LGR5: variants seen among roughly 807,000 people sequenced by gnomAD.
LGR5 encodes leucine-rich repeat-containing G protein-coupled receptor 5.
A neutral mutation model predicts 76.7 loss-of-function variants in LGR5; 54 were observed. That is an observed-to-expected ratio of 0.70 (90% CI 0.57 to 0.88). The LOEUF (loss-of-function observed/expected upper bound fraction) is 0.88. Ranked by LOEUF, LGR5 falls within the 40% of genes least tolerant of loss-of-function variation. The pLI is 0.00. For missense variants in LGR5, 1,078 were observed against 1,073.3 expected (o/e 1.00, Z -0.06); for synonymous variants, 406 against 421.9 (o/e 0.96, Z 0.46).
intron 5 of LGR5, 58 bp downstream of exon 5, chr12:71,553,346 G>A (rs1486103920): frequency 6.9e-7 from 1 of 1,453,840 alleles, no homozygotes; most frequent in Admixed American, 1.7e-5. Context: ...GGAAGACCTT[G>A]GCCTTAAAAT....
At chr12:71,568,912 C>A (rs1201790750) in intron 11 of LGR5, among the ~76,000 whole-genome samples, 1 of 152,194 alleles carries the variant, frequency 6.6e-6, no homozygotes, top group Non-Finnish European at 1.5e-5. Flanking sequence ...TCCCCACTTA[C>A]TAGCTGGTCA....
intron 1 of LGR5, among the ~76,000 whole-genome samples, chr12:71,479,051 T>C (rs974273174): frequency 6.6e-6 from 1 of 152,210 alleles, no homozygotes; most frequent in Non-Finnish European, 1.5e-5. Context: ...AGAATCTGTG[T>C]CCTCTCAATT....
intron 2 of LGR5, among the ~76,000 whole-genome samples, chr12:71,515,578 G>A (rs962746553): frequency 6.6e-6 from 1 of 152,076 alleles, no homozygotes; most frequent in Non-Finnish European, 1.5e-5. Context: ...AAGGAAAACA[G>A]TACCAGAAAA....
At chr12:71,579,475 C>A (rs1001437675) in intron 15 of LGR5, among the ~76,000 whole-genome samples, 10 of 151,888 alleles carry the variant, frequency 6.6e-5, no homozygotes, top group African/African-American at 2.4e-4. Flanking sequence ...TAAGAGAGAA[C>A]AAAAATCTTT....
intron 2 of LGR5, among the ~76,000 whole-genome samples, chr12:71,515,810 T>C (rs1375731777): frequency 6.6e-6 from 1 of 152,252 alleles, no homozygotes; most frequent in Non-Finnish European, 1.5e-5. Flanking sequence ...AAATGTTTTC[T>C]TTTAAATCAC....
chr12:71,546,112 A>T (rs1303672117), intron 4 of LGR5, among the ~76,000 whole-genome samples: 1 of 152,116 alleles, frequency 6.6e-6, no homozygotes, highest in East Asian at 1.9e-4. Context: ...CAGGAGTTCA[A>T]GACCAGCCTG....
intron 1 of LGR5, among the ~76,000 whole-genome samples, chr12:71,459,101 G>C (rs1872595445): frequency 6.6e-6 from 1 of 152,034 alleles, no homozygotes; most frequent in African/African-American, 2.4e-5. Context: ...AGTAAGACCA[G>C]TATGTACCTT....
chr12:71,490,141 A>C (rs116818256), intron 1 of LGR5, among the ~76,000 whole-genome samples: 13,504 of 151,874 alleles, frequency 0.089, 653 homozygotes, highest in Non-Finnish European at 0.11. Context: ...AAAAAAAAAA[A>C]AAACCCATAA....
chr12:71,579,817 G>C (rs982646096), intron 15 of LGR5, among the ~76,000 whole-genome samples: 2 of 151,950 alleles, frequency 1.3e-5, no homozygotes, highest in Non-Finnish European at 2.9e-5. Flanking sequence ...AAGCATCCAG[G>C]AACAAAAATC....
chr12:71,547,482 T>C (rs1336314396), intron 4 of LGR5, among the ~76,000 whole-genome samples: 1 of 152,236 alleles, frequency 6.6e-6, no homozygotes, highest in Non-Finnish European at 1.5e-5. Context: ...TACCACTTCC[T>C]AAATTTGAAG....
At chr12:71,517,500 G>C (rs1473994551) in intron 2 of LGR5, among the ~76,000 whole-genome samples, 1 of 152,298 alleles carries the variant, frequency 6.6e-6, no homozygotes, top group East Asian at 1.9e-4. Flanking sequence ...AAAAAATAAA[G>C]TTTTTACTTT....
intron 4 of LGR5, 49 bp from the exon 5 acceptor site, chr12:71,553,024 C>T (rs925040768): frequency 9.6e-6 from 15 of 1,564,262 alleles, no homozygotes; most frequent in Non-Finnish European, 1.3e-5. Context: ...AGTTGACCTT[C>T]TGCTTGGGCT....
At chr12:71,463,491 A>T (rs1229478596) in intron 1 of LGR5, among the ~76,000 whole-genome samples, 1 of 151,708 alleles carries the variant, frequency 6.6e-6, no homozygotes, top group African/African-American at 2.4e-5. Context: ...ACATCTATAA[A>T]ATGTGACAGT....
At chr12:71,576,687 T>C (rs1878871732) in intron 13 of LGR5, among the ~76,000 whole-genome samples, 1 of 152,110 alleles carries the variant, frequency 6.6e-6, no homozygotes, top group Non-Finnish European at 1.5e-5. Flanking sequence ...TTCTCACATA[T>C]TTACTTAAAC....
Position 71,584,677 on chromosome 12 carries a change from T to C in LGR5, c.2667T>C (p.Ala889=), listed in dbSNP as rs140636499. Residue 889 remains alanine, a synonymous_variant, in exon 18 of 18, where the codon GCT becomes GCC. Coordinates refer to ENST00000266674, the MANE Select transcript of LGR5 (RefSeq NM_003667.4). The part of the protein sequence containing the change: ...DLPPSSVPSP[A]YPVTESCHLS... ...CTCCCAGTTCCGTGCCATCACCAGC[T>C]TATCCAGTGACTGAGAGCTGCCATC... 1.2e-6 allele frequency: 2 copies of C among 1,614,094 alleles called. No individual in the cohort carries two copies. Among genetic ancestry groups the C allele is most frequent in the East Asian group, 4.5e-5 (2 of 44,884 alleles).
chr12:71,575,859 C>G (rs1199168048), intron 13 of LGR5, among the ~76,000 whole-genome samples: 1 of 151,918 alleles, frequency 6.6e-6, no homozygotes, highest in African/African-American at 2.4e-5. Flanking sequence ...CAATGATAGA[C>G]TGGATAAAGA....
At chr12:71,516,041 A>C (rs928580813) in intron 2 of LGR5, among the ~76,000 whole-genome samples, 3 of 152,222 alleles carry the variant, frequency 2.0e-5, no homozygotes, top group African/African-American at 7.2e-5. Flanking sequence ...AAATTATGAG[A>C]GAGTGCTTTT....
intron 12 of LGR5, among the ~76,000 whole-genome samples, chr12:71,572,230 C>G (rs1281686092): frequency 6.6e-6 from 1 of 151,962 alleles, no homozygotes; most frequent in African/African-American, 2.4e-5. Flanking sequence ...TTACAGGCAC[C>G]CATCACCATG....
At chr12:71,543,797 A>T (rs1421919793) in intron 4 of LGR5, among the ~76,000 whole-genome samples, 4 of 152,238 alleles carry the variant, frequency 2.6e-5, no homozygotes, top group Admixed American at 2.6e-4. Context: ...GTGGAAATGG[A>T]AAGTCTCGGA....
Sources: allele counts gnomAD v4.1 joint callset (sites outside exome capture counted in the v4.1 genomes callset), GRCh38; gene constraint gnomAD v4.1.1; transcripts MANE v1.5; gene names NCBI Gene and HGNC (gene_info 2026-07-23, HGNC 2026-07-21).